The following STAC variants were observed in gnomAD, a reference collection of about 807,000 sequenced individuals.
STAC encodes the protein SH3 and cysteine rich domain.
Under a neutral mutation model 48.8 loss-of-function variants are expected in STAC, and 43 were observed. The observed-to-expected ratio is 0.88, with a 90% CI of 0.69 to 1.14. The LOEUF is 1.14. STAC is among the 50% of genes most tolerant of loss of function. The pLI is 0.00. For synonymous variants in STAC, 193 were observed against 179.5 expected, an observed-to-expected ratio of 1.07 and a Z score of -0.60; for missense variants, 497 against 504.0, an observed-to-expected ratio of 0.99 and a Z score of 0.13.
chr3:36,448,435 G>C (rs533467944), intron 2 of STAC, among the ~76,000 whole-genome samples: 1 of 152,038 alleles, frequency 6.6e-6, no homozygotes, highest in South Asian at 2.1e-4. Context: ...TGGCCAGGCT[G>C]GTCTTGAACT....
intron 1 of STAC, among the ~76,000 whole-genome samples, chr3:36,403,440 T>A (rs1700035254): frequency 6.6e-6 from 1 of 152,110 alleles, no homozygotes; most frequent in African/African-American, 2.4e-5. Context: ...TTTTTATTTT[T>A]AATTATCTCT....
intron 10 of STAC, among the ~76,000 whole-genome samples, chr3:36,541,092 A>T (rs1166850123): frequency 6.6e-6 from 1 of 152,074 alleles, no homozygotes; most frequent in African/African-American, 2.4e-5. Context: ...TACGTCCCCT[A>T]GTGGTCACAG....
intron 8 of STAC, among the ~76,000 whole-genome samples, chr3:36,521,191 G>A (rs529413002): frequency 5.3e-5 from 8 of 151,978 alleles, no homozygotes; most frequent in East Asian, 1.9e-4. Context: ...TTTAAGGTTC[G>A]TTTTGCCTAA....
chr3:36,497,063 C>G (rs929381900), intron 6 of STAC, among the ~76,000 whole-genome samples: 2 of 151,486 alleles, frequency 1.3e-5, no homozygotes, highest in African/African-American at 4.8e-5. Flanking sequence ...GAAAATATAT[C>G]CTAGCCTTTA....
chr3:36,443,485 A>T lies in STAC; in HGVS notation c.233A>T (p.Glu78Val). The stretch of plus-strand genomic sequence containing the variant: ...AAACTGCAAGCACACATGGTGGCTG[A>T]GATCAGCCCCAGCTCCAGCCCACTC... ...DMKLQAHMVA[E>V]ISPSSSPLPA... Residue 78 changes from glutamate (E) to valine (V), a missense_variant, in exon 2 of 11, where the codon GAG becomes GTG. Transcript: ENST00000273183. The surrounding 1 kb of genome is among the most constrained non-coding windows in gnomAD (Gnocchi z 4.2). The T allele has an allele frequency of 6.2e-7, 1 of 1,614,238 alleles. No homozygotes were observed. Among genetic ancestry groups the T allele is most frequent in the Non-Finnish European group, 8.5e-7 (1 of 1,180,040 alleles).
chr3:36,446,843 T>A (rs1395031841), intron 2 of STAC, among the ~76,000 whole-genome samples: 1 of 152,236 alleles, frequency 6.6e-6, no homozygotes, highest in East Asian at 1.9e-4. Context: ...TAAACAGATA[T>A]TTCGAAAAAT....
intron 6 of STAC, among the ~76,000 whole-genome samples, chr3:36,501,061 C>T (rs1392115537): frequency 1.3e-5 from 2 of 152,140 alleles, no homozygotes; most frequent in Non-Finnish European, 2.9e-5. Context: ...CACTGCTCTC[C>T]AGCCTGGGCG....
chr3:36,473,612 G>A (rs945424245), intron 2 of STAC, among the ~76,000 whole-genome samples: 34 of 152,118 alleles, frequency 2.2e-4, no homozygotes, highest in Admixed American at 7.2e-4. Context: ...TATTACCTAA[G>A]TTTGTTGATG....
rs573314517 is a variant in STAC, at chr3:36,396,758, G to A, written c.111+16004G>A. Among the ~76,000 whole-genome samples, 11 of 152,206 alleles carry A rather than the reference G, an allele frequency of 7.2e-5. No homozygotes were observed. The East Asian group carries it at 1.2e-3, about 16-fold the overall frequency. ...TTGTAAATTTCAAAGCAATTTTATC[G>A]TTTTTATAATTTCCTTCTCCTAGTT... On this transcript the variant is annotated intron_variant, in intron 1 of 10. Transcript: ENST00000273183.
chr3:36,385,612 A>G (rs1002801323), intron 1 of STAC, among the ~76,000 whole-genome samples: 3 of 152,052 alleles, frequency 2.0e-5, no homozygotes, highest in African/African-American at 7.2e-5. Context: ...CACCTCATAA[A>G]TCACAAAAAG....
chr3:36,439,975 TGTTA>T (rs1460004717), intron 1 of STAC, among the ~76,000 whole-genome samples: 2 of 152,240 alleles, frequency 1.3e-5, no homozygotes, highest in African/African-American at 4.8e-5. Context: ...CTGACTCCTC[TGTTA>T]GTTTGAGCTG....
chr3:36,420,654 C>A (rs80305335), intron 1 of STAC, among the ~76,000 whole-genome samples: 4,142 of 152,234 alleles, frequency 0.027, 165 homozygotes, highest in African/African-American at 0.094. Context: ...CTCAAACCAT[C>A]CCCCCTCTAC....
rs1265237720 is a variant in STAC, at chr3:36,463,048, A to C, written c.388+19408A>C. Reference sequence around the variant, plus strand: ...GATCATGTGACTCTTCTTTCTGTACAAGGTGGACTTTGTTTTGCTAACATT... The same window carrying C: ...GATCATGTGACTCTTCTTTCTGTACCAGGTGGACTTTGTTTTGCTAACATT... On this transcript the variant is annotated intron_variant, in intron 2 of 10. Transcript: ENST00000273183. Among the ~76,000 whole-genome samples, 7 of 152,188 alleles carry C rather than the reference A, an allele frequency of 4.6e-5. No individual in the cohort carries two copies. The East Asian group carries it at 1.3e-3, about 29-fold the overall frequency.
chr3:36,492,463 G>GA (rs908418332), intron 5 of STAC, among the ~76,000 whole-genome samples: 48 of 152,126 alleles, frequency 3.2e-4, no homozygotes, highest in African/African-American at 1.2e-3. Flanking sequence ...ATTCCTCTCT[G>GA]AAAAATTGGT....
intron 1 of STAC, among the ~76,000 whole-genome samples, chr3:36,400,128 G>A (rs780734551): frequency 1.3e-5 from 2 of 152,198 alleles, no homozygotes; most frequent in Non-Finnish European, 2.9e-5. Flanking sequence ...TCCCCTGCGA[G>A]TTTCTCAGTT....
intron 5 of STAC, 41 bp from the exon 6 acceptor site, chr3:36,493,110 A>G (rs769010303): frequency 6.3e-7 from 1 of 1,587,040 alleles, no homozygotes; most frequent in Admixed American, 1.7e-5. Context: ...GACCACAGAT[A>G]TAACATTGTT....
intron 8 of STAC, among the ~76,000 whole-genome samples, chr3:36,526,508 T>C (rs1342351840): frequency 6.6e-6 from 1 of 152,102 alleles, no homozygotes; most frequent in Non-Finnish European, 1.5e-5. Context: ...ATGAGAAATG[T>C]GGAATAGGGC....
At chr3:36,384,088 G>T (rs1228119470) in intron 1 of STAC, among the ~76,000 whole-genome samples, 1 of 152,142 alleles carries the variant, frequency 6.6e-6, no homozygotes, top group Non-Finnish European at 1.5e-5. Context: ...TCAGAAAGAT[G>T]ACAGCCTAAT....
chr3:36,494,173 AAG>A (rs1553640039), intron 6 of STAC, among the ~76,000 whole-genome samples: 260 of 150,296 alleles, frequency 1.7e-3, no homozygotes, highest in Non-Finnish European at 2.6e-3. Flanking sequence ...AAAAAAAAAA[AAG>A]AAAGAGCCAC....
Sources: gnomAD v4.1 joint callset for allele counts (sites outside exome capture counted in the v4.1 genomes callset) on GRCh38, gnomAD v4.1.1 for gene constraint, Gnocchi (gnomAD v3.1) non-coding constraint, MANE v1.5 for transcripts, NCBI Gene and HGNC (gene_info 2026-07-23, HGNC 2026-07-21) for gene names.